The following TNKS variants were observed in gnomAD, a reference collection of about 807,000 sequenced individuals.
TNKS encodes tankyrase.
TNKS carries 72 observed loss-of-function variants against 135.8 expected under a neutral mutation model. That is an observed-to-expected ratio of 0.53 (90% CI 0.44 to 0.64). The LOEUF (loss-of-function observed/expected upper bound fraction) is 0.64. TNKS is among the 30% of genes least tolerant of loss of function. The pLI, the probability that TNKS is intolerant of heterozygous loss-of-function variation, is 0.00. For synonymous variants in TNKS, 849 were observed against 649.3 expected (o/e 1.31, Z -4.68); for missense variants, 1,769 against 1,674.0 (o/e 1.06, Z -0.99).
At chr8:9,654,310 T>A (rs192745842) in intron 3 of TNKS, among the ~76,000 whole-genome samples, 1 of 152,360 alleles carries the variant, frequency 6.6e-6, no homozygotes, top group Admixed American at 6.5e-5. Flanking sequence ...TTTAGATTTA[T>A]ATTTTCTATA....
intron 5 of TNKS, among the ~76,000 whole-genome samples, chr8:9,697,075 C>G (rs976358505): frequency 3.9e-5 from 6 of 152,098 alleles, no homozygotes; most frequent in African/African-American, 1.4e-4. Context: ...ATAAAGAAAA[C>G]AGCATGGCAC....
At chr8:9,696,192 A>C (rs968205217) in intron 5 of TNKS, among the ~76,000 whole-genome samples, 3 of 152,184 alleles carry the variant, frequency 2.0e-5, no homozygotes, top group Non-Finnish European at 2.9e-5. Flanking sequence ...TAGACAATGT[A>C]GAAAAGAGGT....
intron 11 of TNKS, among the ~76,000 whole-genome samples, chr8:9,716,767 G>T (rs7464528): frequency 6.6e-6 from 1 of 151,538 alleles, no homozygotes; most frequent in South Asian, 2.1e-4. Flanking sequence ...TGTTCATCTG[G>T]TTCATTCTTC....
At chr8:9,711,711 A>G (rs1804342703) in intron 11 of TNKS, among the ~76,000 whole-genome samples, 2 of 152,250 alleles carry the variant, frequency 1.3e-5, no homozygotes, top group South Asian at 4.1e-4. Context: ...CCTTAAAGGT[A>G]AAAGTTACAC....
chr8:9,657,289 G>A (rs1442810429), intron 3 of TNKS, among the ~76,000 whole-genome samples: 14 of 80,340 alleles, frequency 1.7e-4, no homozygotes, highest in East Asian at 3.2e-4. Context: ...GCGGCTGGCC[G>A]GGCGGGGGGC....
intron 11 of TNKS, among the ~76,000 whole-genome samples, chr8:9,712,270 A>G (rs1376129978): frequency 6.6e-6 from 1 of 152,222 alleles, no homozygotes. Context: ...GCTTGAGGCC[A>G]GGAGTTCGAC....
At chr8:9,621,400 G>A (rs1445203774) in intron 3 of TNKS, among the ~76,000 whole-genome samples, 1 of 151,958 alleles carries the variant, frequency 6.6e-6, no homozygotes, top group Non-Finnish European at 1.5e-5. Flanking sequence ...CACCTCCTGG[G>A]TTCAAGCGAT....
intron 17 of TNKS, among the ~76,000 whole-genome samples, chr8:9,742,656 G>C (rs1336726483): frequency 6.6e-6 from 1 of 150,652 alleles, no homozygotes; most frequent in East Asian, 1.9e-4. Context: ...CCAGGAGTTT[G>C]AGACCAGCCT....
intron 1 of TNKS, among the ~76,000 whole-genome samples, chr8:9,571,179 CA>C (rs964186469): frequency 6.6e-6 from 1 of 152,066 alleles, no homozygotes; most frequent in African/African-American, 2.4e-5. Flanking sequence ...GAAGCTACAC[CA>C]AAAACTATCA....
chr8:9,652,692 C>T lies in TNKS; in HGVS notation c.995-27259C>T, dbSNP rs555686763. ...GTGATTCACAGAGAGAAATAAGAAA[C>T]AATTGTTAGTAAATCAAATACTTTA... On this transcript the variant is annotated intron_variant, in intron 3 of 26. Coordinates refer to ENST00000310430, the MANE Select transcript of TNKS (RefSeq NM_003747.3). 2.0e-5 allele frequency among the ~76,000 whole-genome samples: 3 copies of T among 152,124 alleles called. No homozygotes were observed. In the South Asian group the frequency reaches 6.2e-4, roughly 32 times the overall value.
At chr8:9,650,638 C>G (rs1272206610) in intron 3 of TNKS, among the ~76,000 whole-genome samples, 2 of 152,060 alleles carry the variant, frequency 1.3e-5, no homozygotes, top group Non-Finnish European at 2.9e-5. Context: ...TATTCATGTC[C>G]TTTGCCCACT....
intron 1 of TNKS, among the ~76,000 whole-genome samples, chr8:9,560,635 G>C (rs1267400371): frequency 6.6e-6 from 1 of 151,068 alleles, no homozygotes; most frequent in Non-Finnish European, 1.5e-5. Flanking sequence ...TGCAGTCTTG[G>C]AGTGGGAATT....
chr8:9,667,941 C>T (rs893692542), intron 3 of TNKS, among the ~76,000 whole-genome samples: 45 of 151,186 alleles, frequency 3.0e-4, no homozygotes, highest in African/African-American at 9.2e-4. Flanking sequence ...TTACAATATG[C>T]CAAGCACAAT....
In TNKS at chr8:9,688,389, A is replaced by G. The variant is rs576779548; in HGVS notation, c.1107+7589A>G. Among the ~76,000 whole-genome samples the G allele has an allele frequency of 3.3e-5, 5 of 152,350 alleles. No homozygotes were observed. The East Asian group carries it at 9.6e-4, about 29-fold the overall frequency. ...TTAATTATGGATTTAAGAATTCTGA[A>G]ATTATCTGTAACTTTGAATTGACAT... On this transcript the variant is annotated intron_variant, in intron 5 of 26. Transcript: ENST00000310430.
At chr8:9,584,571 G>T (rs1273607299) in intron 2 of TNKS, among the ~76,000 whole-genome samples, 2 of 152,106 alleles carry the variant, frequency 1.3e-5, no homozygotes, top group South Asian at 4.2e-4. Flanking sequence ...CTACTCTCCT[G>T]TCATTTCAGT....
At chr8:9,765,133 T>C (rs2128836423) in intron 23 of TNKS, among the ~76,000 whole-genome samples, 1 of 152,328 alleles carries the variant, frequency 6.6e-6, no homozygotes, top group African/African-American at 2.4e-5. Context: ...TGCATCAAAG[T>C]CCTGGATCTT....
At chr8:9,637,838 C>G (rs561878864) in intron 3 of TNKS, among the ~76,000 whole-genome samples, 6 of 152,282 alleles carry the variant, frequency 3.9e-5, no homozygotes, top group Non-Finnish European at 5.9e-5. Flanking sequence ...ATTAAGAATG[C>G]AAGCAATGTT....
At chr8:9,655,931 G>A (rs1023670059) in intron 3 of TNKS, among the ~76,000 whole-genome samples, 1 of 152,156 alleles carries the variant, frequency 6.6e-6, no homozygotes, top group Non-Finnish European at 1.5e-5. Flanking sequence ...GGCTTCAGAA[G>A]ATCAAACTAT....
At chr8:9,613,679 TCAAGTAAATGTTTAC>T (rs1262810349) in intron 2 of TNKS, among the ~76,000 whole-genome samples, 1 of 152,244 alleles carries the variant, frequency 6.6e-6, no homozygotes, top group Non-Finnish European at 1.5e-5. Context: ...AACATCTATT[TCAAGTAAATGTTTAC>T]TTCTTTTAAT....
Sources: allele counts gnomAD v4.1 joint callset (sites outside exome capture counted in the v4.1 genomes callset), GRCh38; gene constraint gnomAD v4.1.1; transcripts MANE v1.5; gene names NCBI Gene and HGNC (gene_info 2026-07-23, HGNC 2026-07-21).